ROBO1: variants seen among roughly 807,000 people sequenced by gnomAD.
ROBO1 encodes the protein roundabout guidance receptor 1, also known as roundabout homolog 1.
Under a neutral mutation model 195.9 loss-of-function variants are expected in ROBO1, and 149 were observed. That is an observed-to-expected ratio of 0.76 (90% CI 0.67 to 0.87). The LOEUF (loss-of-function observed/expected upper bound fraction) is 0.87. Among genes scored for constraint, ROBO1 ranks in the 40% least tolerant of loss-of-function variants. ROBO1 has a pLI of 0.00. For synonymous variants in ROBO1, 816 were observed against 733.2 expected, an observed-to-expected ratio of 1.11 and a Z score of -1.82; for missense variants, 1,933 against 2,068.3, an observed-to-expected ratio of 0.93 and a Z score of 1.27.
At chr3:78,993,260 T>C (rs527583681) in intron 3 of ROBO1, among the ~76,000 whole-genome samples, 5 of 152,294 alleles carry the variant, frequency 3.3e-5, no homozygotes, top group Admixed American at 2.6e-4. Flanking sequence ...CAAGGGTGCA[T>C]GCACAAGCAC....
intron 2 of ROBO1, among the ~76,000 whole-genome samples, chr3:79,249,574 C>A (rs1164705659): frequency 1.3e-5 from 2 of 152,146 alleles, no homozygotes; most frequent in Non-Finnish European, 2.9e-5. Context: ...TATTATGTAT[C>A]TTGCTACAAC....
chr3:78,754,877 T>G (rs2108327341), intron 4 of ROBO1, among the ~76,000 whole-genome samples: 1 of 152,222 alleles, frequency 6.6e-6, no homozygotes, highest in African/African-American at 2.4e-5. Flanking sequence ...TGAGTAAAAC[T>G]TATCCTCGGG....
At chr3:79,408,819 AAC>A (rs1307635990) in intron 2 of ROBO1, among the ~76,000 whole-genome samples, 2 of 152,122 alleles carry the variant, frequency 1.3e-5, no homozygotes, top group Admixed American at 1.3e-4. Flanking sequence ...CAAATATTTC[AAC>A]AGATATCTTT....
At chr3:78,666,572 A>G (rs1326968819) in intron 14 of ROBO1, among the ~76,000 whole-genome samples, 5 of 152,060 alleles carry the variant, frequency 3.3e-5, no homozygotes, top group Non-Finnish European at 7.4e-5. Flanking sequence ...AATATCAAAA[A>G]CCTCAGACTG....
At chr3:78,876,542 T>A (rs2035859671) in intron 4 of ROBO1, among the ~76,000 whole-genome samples, 1 of 152,202 alleles carries the variant, frequency 6.6e-6, no homozygotes, top group South Asian at 2.1e-4. Flanking sequence ...ATACAACTGA[T>A]GATTGTTAGA....
At chr3:79,318,021 A>T (rs535995327) in intron 2 of ROBO1, among the ~76,000 whole-genome samples, 4 of 152,314 alleles carry the variant, frequency 2.6e-5, no homozygotes, top group African/African-American at 9.6e-5. Flanking sequence ...TCTGAGTCCA[A>T]AGGTCAGCAG....
intron 3 of ROBO1, among the ~76,000 whole-genome samples, chr3:79,121,927 T>C (rs573304349): frequency 7.9e-5 from 12 of 152,074 alleles, no homozygotes; most frequent in African/African-American, 2.9e-4. Context: ...TCAATAAATT[T>C]TTCTTTAAAT....
intron 4 of ROBO1, among the ~76,000 whole-genome samples, chr3:78,875,279 T>C (rs895543716): frequency 6.6e-6 from 1 of 151,978 alleles, no homozygotes; most frequent in African/African-American, 2.4e-5. Context: ...CTAACATAAA[T>C]CATGACACCC....
At chr3:79,305,487 C>CAAAA (rs755731665) in intron 2 of ROBO1, among the ~76,000 whole-genome samples, 9 of 55,676 alleles carry the variant, frequency 1.6e-4, no homozygotes, top group African/African-American at 1.9e-4. Context: ...AACTCCATCT[C>CAAAA]AAAAAAAAAA....
chr3:78,932,343 C>T (rs1046010185), intron 4 of ROBO1, among the ~76,000 whole-genome samples: 2 of 152,146 alleles, frequency 1.3e-5, no homozygotes, highest in Non-Finnish European at 2.9e-5. Flanking sequence ...ATCTAAGTAT[C>T]AACTAGTGTT....
intron 4 of ROBO1, among the ~76,000 whole-genome samples, chr3:78,842,556 TTATA>T (rs1339902494): frequency 7.2e-6 from 1 of 138,766 alleles, no homozygotes; most frequent in Non-Finnish European, 1.5e-5. Flanking sequence ...CCATATATAT[TTATA>T]TATATGAGCC....
At chr3:79,168,842 ATAAT>A (rs2108687081) in intron 2 of ROBO1, among the ~76,000 whole-genome samples, 1 of 152,324 alleles carries the variant, frequency 6.6e-6, no homozygotes, top group South Asian at 2.1e-4. Context: ...ATTTATACAA[ATAAT>A]TAATTATAGA....
At chr3:79,301,308 T>G (rs1007816832) in intron 2 of ROBO1, among the ~76,000 whole-genome samples, 4 of 152,188 alleles carry the variant, frequency 2.6e-5, no homozygotes, top group African/African-American at 9.7e-5. Flanking sequence ...ACTTCTTTCT[T>G]GAAGTCAGTG....
intron 1 of ROBO1, among the ~76,000 whole-genome samples, chr3:79,643,795 A>C (rs1237834542): frequency 1.3e-5 from 2 of 152,168 alleles, no homozygotes; most frequent in African/African-American, 2.4e-5. Flanking sequence ...GCCACAAAGA[A>C]AGACAGTAAG....
chr3:79,227,799 G>C (rs1385977095), intron 2 of ROBO1, among the ~76,000 whole-genome samples: 2 of 152,140 alleles, frequency 1.3e-5, no homozygotes, highest in Admixed American at 1.3e-4. Flanking sequence ...TGGGTGAATA[G>C]TTTTAAATAA....
chr3:78,864,696 G>GTA (rs936314275), intron 4 of ROBO1, among the ~76,000 whole-genome samples: 1 of 151,212 alleles, frequency 6.6e-6, no homozygotes. Context: ...ATGCATGTAT[G>GTA]TATATATACA....
At position 78,657,293 on chromosome 3, in the gene ROBO1, T is replaced by A. The variant is rs376910761; in HGVS notation, c.2443-24A>T. On this transcript the variant is annotated intron_variant, in intron 17 of 30. Transcript: ENST00000464233. ...ACCTGTAAGAAGCACATCACAAAAATCAAGCTGGTAAATTACCTAAATGAA... is the reference window on the plus strand; with the variant it reads ...ACCTGTAAGAAGCACATCACAAAAAACAAGCTGGTAAATTACCTAAATGAA... 5 of 1,610,984 alleles carry A rather than the reference T, an allele frequency of 3.1e-6. No individual in the cohort carries two copies. In the African/African-American group the frequency reaches 4.0e-5, roughly 13 times the overall value.
At chr3:79,711,735 G>T (rs1260701473) in intron 1 of ROBO1, among the ~76,000 whole-genome samples, 1 of 152,068 alleles carries the variant, frequency 6.6e-6, no homozygotes, top group Non-Finnish European at 1.5e-5. Flanking sequence ...CATTTTACAA[G>T]TTGAAGTTTT....
intron 3 of ROBO1, among the ~76,000 whole-genome samples, chr3:79,012,799 GA>G (rs2077817443): frequency 6.6e-6 from 1 of 152,004 alleles, no homozygotes; most frequent in Admixed American, 6.6e-5. Flanking sequence ...AAAGAGAGAG[GA>G]AAAAGCAAAG....
Sources: allele counts gnomAD v4.1 joint callset (sites outside exome capture counted in the v4.1 genomes callset), GRCh38; gene constraint gnomAD v4.1.1; transcripts MANE v1.5; gene names NCBI Gene and HGNC (gene_info 2026-07-23, HGNC 2026-07-21).